Variants in RYR2 observed in about 807,000 individuals in gnomAD.
RYR2 encodes the protein cardiac muscle ryanodine receptor-calcium release channel.
RYR2 carries 227 observed loss-of-function variants against 601.1 expected under a neutral mutation model. That is an observed-to-expected ratio of 0.38 (90% CI 0.34 to 0.42). The LOEUF is 0.42. Among genes scored for constraint, RYR2 ranks in the 10% least tolerant of loss-of-function variants. The probability of loss-of-function intolerance (pLI) is 1.00; values close to 1 mark genes in which losing one functional copy is unlikely to be tolerated. For missense variants in RYR2, 4,646 were observed against 6,156.5 expected (o/e 0.75, Z 8.21); for synonymous variants, 2,223 against 2,175.1 (o/e 1.02, Z -0.61).
intron 100 of RYR2, among the ~76,000 whole-genome samples, chr1:237,813,136 C>T (rs1026203163): frequency 7.2e-5 from 11 of 152,030 alleles, no homozygotes; most frequent in African/African-American, 2.7e-4. Flanking sequence ...ACCCTGTGAC[C>T]CTGAAGGCAG....
At chr1:237,329,574 G>A (rs1696509361) in intron 2 of RYR2, among the ~76,000 whole-genome samples, 1 of 151,640 alleles carries the variant, frequency 6.6e-6, no homozygotes. Flanking sequence ...TCCAGGAGGT[G>A]TAGGTTGCAG....
chr1:237,201,518 C>T (rs1681191883), intron 1 of RYR2, among the ~76,000 whole-genome samples: 1 of 152,116 alleles, frequency 6.6e-6, no homozygotes, highest in African/African-American at 2.4e-5. Context: ...GGATGCTTTT[C>T]TTCTAAAAAC....
intron 63 of RYR2, among the ~76,000 whole-genome samples, chr1:237,694,233 G>A (rs1182796995): frequency 6.6e-6 from 1 of 150,720 alleles, no homozygotes; most frequent in African/African-American, 2.5e-5. Flanking sequence ...GGTGGAGTTT[G>A]CAGTGAGCCG....
At chr1:237,448,323 G>C (rs549129996) in intron 14 of RYR2, among the ~76,000 whole-genome samples, 1 of 152,138 alleles carries the variant, frequency 6.6e-6, no homozygotes, top group East Asian at 1.9e-4. Context: ...GTATTTTTCT[G>C]TTACTAATTT....
chr1:237,258,417 T>G (rs540986296), intron 1 of RYR2, among the ~76,000 whole-genome samples: 2 of 152,038 alleles, frequency 1.3e-5, no homozygotes, highest in Non-Finnish European at 2.9e-5. Context: ...GAGGAAGTCA[T>G]CAGGATGCTG....
At chr1:237,753,854 C>A (rs995172001) in intron 80 of RYR2, among the ~76,000 whole-genome samples, 2 of 151,108 alleles carry the variant, frequency 1.3e-5, no homozygotes, top group East Asian at 1.9e-4. Flanking sequence ...AGCTAATCTG[C>A]AGTTTAAAAA....
intron 10 of RYR2, among the ~76,000 whole-genome samples, chr1:237,390,420 T>C (rs1014446612): frequency 6.6e-6 from 1 of 152,146 alleles, no homozygotes; most frequent in African/African-American, 2.4e-5. Flanking sequence ...GCAGCTTAAA[T>C]ATTATCTCCT....
At chr1:237,649,821 T>C (rs1682543758) in intron 49 of RYR2, 56 bp from the exon 50 acceptor site, 1 of 1,481,684 alleles carries the variant, frequency 6.7e-7, no homozygotes. Context: ...TTAATCCCTT[T>C]GAAGATTATC....
At chr1:237,254,206 A>AT (rs5781946) in intron 1 of RYR2, among the ~76,000 whole-genome samples, 54,314 of 151,828 alleles carry the variant, frequency 0.36, 11,225 homozygotes, top group Admixed American at 0.45. Flanking sequence ...GATTACTGTT[A>AT]TTTTTTTTAT....
At chr1:237,758,677 C>A (rs1693160693) in intron 82 of RYR2, among the ~76,000 whole-genome samples, 1 of 152,176 alleles carries the variant, frequency 6.6e-6, no homozygotes, top group Non-Finnish European at 1.5e-5. Context: ...CTTAACTGAG[C>A]CCTTTTTAGA....
At position 237,232,282 on chromosome 1, in the gene RYR2, G is replaced by C. The variant is rs372297196; in HGVS notation, c.49-38215G>C. 1.6e-3 allele frequency among the ~76,000 whole-genome samples: 247 copies of C among 152,278 alleles called. 7 individuals carry two copies. In the South Asian group the frequency reaches 0.048, roughly 30 times the overall value. The stretch of plus-strand genomic sequence containing the variant: ...GCCCCACCCCCAACACCCCGGGGAG[G>C]GGGAGAGGGTCTGAAGGTTAAGTTG... On this transcript the variant is annotated intron_variant, in intron 1 of 104. Coordinates refer to ENST00000366574, the MANE Select transcript of RYR2 (RefSeq NM_001035.3).
At chr1:237,617,565 A>G in intron 38 of RYR2, 79 bp downstream of exon 38, 2 of 1,288,838 alleles carry the variant, frequency 1.6e-6, no homozygotes, top group Non-Finnish European at 2.2e-6. Flanking sequence ...AAAATTATAT[A>G]ACTCACACGT....
At chr1:237,694,079 G>A (rs1421148970) in intron 63 of RYR2, among the ~76,000 whole-genome samples, 2 of 152,070 alleles carry the variant, frequency 1.3e-5, no homozygotes, top group South Asian at 2.1e-4. Context: ...CGGATCACAA[G>A]GTCAGGGGAT....
intron 17 of RYR2, among the ~76,000 whole-genome samples, chr1:237,486,895 T>A (rs1662743140): frequency 6.6e-6 from 1 of 152,136 alleles, no homozygotes; most frequent in South Asian, 2.1e-4. Flanking sequence ...ATAATCTATA[T>A]GTTATTTTGG....
chr1:237,173,625 T>C (rs1213699076), intron 1 of RYR2, among the ~76,000 whole-genome samples: 1 of 152,226 alleles, frequency 6.6e-6, no homozygotes, highest in African/African-American at 2.4e-5. Flanking sequence ...TCTCTTTCTC[T>C]GCATGTTAAG....
intron 23 of RYR2, among the ~76,000 whole-genome samples, chr1:237,509,090 C>G (rs1269465772): frequency 6.6e-6 from 1 of 152,150 alleles, no homozygotes; most frequent in African/African-American, 2.4e-5. Context: ...GGCCTTCTTG[C>G]CCGCAACTGA....
chr1:237,465,857 G>A (rs1265137337), intron 16 of RYR2, among the ~76,000 whole-genome samples: 1 of 152,142 alleles, frequency 6.6e-6, no homozygotes, highest in Non-Finnish European at 1.5e-5. Flanking sequence ...CATAGAAAAG[G>A]TACAGTAAAA....
chr1:237,128,203 C>T (rs1392947429), intron 1 of RYR2, among the ~76,000 whole-genome samples: 2 of 152,158 alleles, frequency 1.3e-5, no homozygotes, highest in African/African-American at 2.4e-5. Flanking sequence ...GCCAACACAG[C>T]GAAACCCTGT....
Position 237,651,391 on chromosome 1 carries a change from C to T in RYR2, c.7734-20C>T, listed in dbSNP as rs770860889. On this transcript the variant is annotated intron_variant, in intron 50 of 104. Coordinates refer to ENST00000366574, the MANE Select transcript of RYR2 (RefSeq NM_001035.3). ...TAGAAACATTTCTTGGCATTATGAACATTAGCTTTGTTCCAACAGACAACT... is the reference window on the plus strand; with the variant it reads ...TAGAAACATTTCTTGGCATTATGAATATTAGCTTTGTTCCAACAGACAACT... The T allele has an allele frequency of 2.6e-6, 4 of 1,525,524 alleles. No homozygotes were observed. Among genetic ancestry groups the T allele is most frequent in the East Asian group, 2.3e-5 (1 of 43,430 alleles). The allele number at this position is 1,525,524 out of a possible 1,614,324, so 94.5% of individuals were successfully genotyped here.
Sources: gnomAD v4.1 joint callset for allele counts (sites outside exome capture counted in the v4.1 genomes callset) on GRCh38, gnomAD v4.1.1 for gene constraint, MANE v1.5 for transcripts, NCBI Gene and HGNC (gene_info 2026-07-23, HGNC 2026-07-21) for gene names.